LDB2: variants seen among roughly 807,000 people sequenced by gnomAD.
LDB2 encodes the protein LIM domain-binding protein 2.
A neutral mutation model predicts 44.3 loss-of-function variants in LDB2; 12 were observed. The observed-to-expected ratio is 0.27, with a 90% CI of 0.17 to 0.44. The LOEUF is 0.44. Ranked by LOEUF, LDB2 falls within the 20% of genes least tolerant of loss-of-function variation. The probability of loss-of-function intolerance (pLI) is 1.00; values close to 1 mark genes in which losing one functional copy is unlikely to be tolerated. For missense variants in LDB2, 344 were observed against 473.5 expected (o/e 0.73, Z 2.54); for synonymous variants, 164 against 174.8 (o/e 0.94, Z 0.49).
chr4:16,520,466 G>T (rs1725644496), intron 5 of LDB2, among the ~76,000 whole-genome samples: 1 of 152,180 alleles, frequency 6.6e-6, no homozygotes, highest in African/African-American at 2.4e-5. Context: ...TATGATTGAG[G>T]TTTATTTCCT....
rs142219787 is a variant in LDB2 at position 16,639,340 on chromosome 4, A to G, written c.236-43465T>C. 3.9e-5 allele frequency among the ~76,000 whole-genome samples: 6 copies of G among 152,370 alleles called. No homozygotes were observed. In the East Asian group the frequency reaches 5.8e-4, roughly 15 times the overall value. ...GCGTGACTTGGCTTCAGAGAGCACT[A>G]TGAAACAAAACCCAAAGACAGGTGT... On this transcript the variant is annotated intron_variant, in intron 2 of 7. Coordinates refer to ENST00000304523, the MANE Select transcript of LDB2 (RefSeq NM_001290.5).
chr4:16,759,112 C>T, intron 2 of LDB2, 46 bp downstream of exon 2: 3 of 1,352,872 alleles, frequency 2.2e-6, no homozygotes, highest in East Asian at 2.3e-5. Context: ...GGTTTTCTTA[C>T]AGGCACAAAA....
intron 5 of LDB2, among the ~76,000 whole-genome samples, chr4:16,576,840 A>G (rs1380635533): frequency 2.6e-5 from 4 of 152,190 alleles, no homozygotes; most frequent in African/African-American, 9.6e-5. Context: ...TCAATAAAAT[A>G]CTATCAAGCC....
rs1787456624 is a variant in LDB2 at position 16,848,121 on chromosome 4, T to A, written c.132+50233A>T. Among the ~76,000 whole-genome samples the A allele has an allele frequency of 3.3e-5, 5 of 152,354 alleles. No individual in the cohort carries two copies. The South Asian group carries it at 1.0e-3, about 32-fold the overall frequency. The stretch of plus-strand genomic sequence containing the variant: ...TGAAATCCAGCTACTTGTCTCTGTT[T>A]TTCTTACACTCTACAGTAAGTATAT... On this transcript the variant is annotated intron_variant, in intron 1 of 7. Coordinates refer to ENST00000304523, the MANE Select transcript of LDB2 (RefSeq NM_001290.5).
chr4:16,519,856 C>T (rs930097411), intron 5 of LDB2, among the ~76,000 whole-genome samples: 1 of 151,894 alleles, frequency 6.6e-6, no homozygotes, highest in Non-Finnish European at 1.5e-5. Context: ...AAAAGATGAA[C>T]ACTGTTGTGA....
At chr4:16,687,055 A>G (rs549317388) in intron 2 of LDB2, among the ~76,000 whole-genome samples, 1 of 149,794 alleles carries the variant, frequency 6.7e-6, no homozygotes, top group Admixed American at 6.8e-5. Flanking sequence ...CCAGTGAAAT[A>G]TGGGGTGAAA....
At chr4:16,889,005 C>A (rs965923248) in intron 1 of LDB2, among the ~76,000 whole-genome samples, 8 of 151,976 alleles carry the variant, frequency 5.3e-5, no homozygotes, top group African/African-American at 1.7e-4. Flanking sequence ...AAAAAATGTT[C>A]ATATTCCCTA....
Position 16,653,202 on chromosome 4 carries a change from G to C in LDB2, c.236-57327C>G, listed in dbSNP as rs188321686. Among the ~76,000 whole-genome samples, 18 of 152,276 alleles carry C rather than the reference G, an allele frequency of 1.2e-4. No individual in the cohort carries two copies. The East Asian group carries it at 3.5e-3, about 29-fold the overall frequency. Reference sequence around the variant, plus strand: ...GACTGGAGAGAACTAAGTCGCATCAGCTGCTGTCTCACCTTTCCTGACTTG... The same window carrying C: ...GACTGGAGAGAACTAAGTCGCATCACCTGCTGTCTCACCTTTCCTGACTTG... On this transcript the variant is annotated intron_variant, in intron 2 of 7. Coordinates refer to ENST00000304523, the MANE Select transcript of LDB2 (RefSeq NM_001290.5).
At chr4:16,542,657 G>T (rs1365099035) in intron 5 of LDB2, among the ~76,000 whole-genome samples, 1 of 152,088 alleles carries the variant, frequency 6.6e-6, no homozygotes, top group Non-Finnish European at 1.5e-5. Flanking sequence ...ATACAATGTT[G>T]AAGTCCAAAA....
At chr4:16,601,377 G>T (rs1388191386) in intron 2 of LDB2, among the ~76,000 whole-genome samples, 1 of 152,098 alleles carries the variant, frequency 6.6e-6, no homozygotes. Context: ...AATTTTAGAT[G>T]CCTGCAATTT....
At chr4:16,778,335 G>A (rs768447597) in intron 1 of LDB2, among the ~76,000 whole-genome samples, 4 of 152,048 alleles carry the variant, frequency 2.6e-5, no homozygotes, top group African/African-American at 4.8e-5. Context: ...TTCCTCATGA[G>A]CTATATCATG....
chr4:16,530,184 A>G (rs1013855602), intron 5 of LDB2, among the ~76,000 whole-genome samples: 1 of 152,186 alleles, frequency 6.6e-6, no homozygotes, highest in Non-Finnish European at 1.5e-5. Flanking sequence ...GGACAGCTGA[A>G]GTTCATTGGG....
At chr4:16,788,124 G>A (rs1774879551) in intron 1 of LDB2, among the ~76,000 whole-genome samples, 1 of 152,200 alleles carries the variant, frequency 6.6e-6, no homozygotes, top group African/African-American at 2.4e-5. Flanking sequence ...TGGGCATTGG[G>A]CTGCGAGTTG....
intron 2 of LDB2, among the ~76,000 whole-genome samples, chr4:16,663,390 G>T (rs1742145012): frequency 6.6e-6 from 1 of 152,212 alleles, no homozygotes; most frequent in African/African-American, 2.4e-5. Flanking sequence ...TGAGTACAGA[G>T]TTGGGAAGAG....
chr4:16,733,353 GA>G (rs75067360), intron 2 of LDB2, among the ~76,000 whole-genome samples: 4,573 of 145,754 alleles, frequency 0.031, 70 homozygotes, highest in South Asian at 0.038. Context: ...TAAGAATTTG[GA>G]AAAAAAAAAA....
At chr4:16,672,921 C>A (rs1282556478) in intron 2 of LDB2, among the ~76,000 whole-genome samples, 6 of 146,628 alleles carry the variant, frequency 4.1e-5, no homozygotes, top group Non-Finnish European at 8.9e-5. Context: ...TCTTTTTTCT[C>A]TTCCTTCTCG....
In LDB2 at chr4:16,502,500, G is replaced by GA; in HGVS notation, c.*142dup. 1.7e-6 allele frequency: 2 copies of GA among 1,184,702 alleles called. No individual in the cohort carries two copies. The highest frequency in any genetic ancestry group is 1.5e-5 in the African/African-American group (1 of 65,024). The allele number at this position is 1,184,702 out of a possible 1,614,324, so 73.4% of individuals were successfully genotyped here. A position where few individuals can be genotyped will look rare whatever the true frequency, so the allele number is the denominator to read the frequency against. On this transcript the variant is annotated 3_prime_UTR_variant, in exon 8 of 8. Coordinates refer to ENST00000304523, the MANE Select transcript of LDB2 (RefSeq NM_001290.5). ...CAATTAGAAAAAAAGAAAGAAGAAA[G>GA]AAAATCAGATCATTGTGGTTTAGAA...
At chr4:16,788,239 G>A (rs1774908935) in intron 1 of LDB2, among the ~76,000 whole-genome samples, 1 of 152,216 alleles carries the variant, frequency 6.6e-6, no homozygotes. Flanking sequence ...ATTAACAGGA[G>A]CCTCCGCTCT....
At chr4:16,581,200 G>C (rs1385274134) in intron 5 of LDB2, among the ~76,000 whole-genome samples, 1 of 152,172 alleles carries the variant, frequency 6.6e-6, no homozygotes, top group Non-Finnish European at 1.5e-5. Flanking sequence ...AGGTACTTTG[G>C]TGAATGAGTA....
Sources: allele counts gnomAD v4.1 joint callset (sites outside exome capture counted in the v4.1 genomes callset), GRCh38; gene constraint gnomAD v4.1.1; transcripts MANE v1.5; gene names NCBI Gene and HGNC (gene_info 2026-07-23, HGNC 2026-07-21).